The following SEM1 variants were observed in gnomAD, a reference collection of about 807,000 sequenced individuals.
SEM1 encodes the protein SEM1 26S proteasome subunit, also known as 26S proteasome complex subunit SEM1.
SEM1 carries 3 observed loss-of-function variants against 12.7 expected under a neutral mutation model. That is an observed-to-expected ratio of 0.24 (90% confidence interval 0.11 to 0.61). The LOEUF is 0.61. Among genes scored for constraint, SEM1 ranks in the 20% least tolerant of loss-of-function variants. The pLI is 0.88. For missense variants in SEM1, 59 were observed against 81.3 expected, an observed-to-expected ratio of 0.73 and a Z score of 1.06; for synonymous variants, 30 against 27.8, an observed-to-expected ratio of 1.08 and a Z score of -0.25.
chr7:96,622,828 C>T, intron 2 of SEM1: 1 of 552,368 alleles, frequency 1.8e-6, no homozygotes, highest in South Asian at 2.6e-5. Flanking sequence ...GCAGGGAAAA[C>T]TTACATAAAT....
chr7:96,629,128 A>C (rs893913816), intron 2 of SEM1, among the ~76,000 whole-genome samples: 2 of 152,046 alleles, frequency 1.3e-5, no homozygotes, highest in Non-Finnish European at 2.9e-5. Flanking sequence ...CAGTCTTTTG[A>C]GTTAAATCTG....
intron 2 of SEM1, among the ~76,000 whole-genome samples, chr7:96,682,433 G>T (rs1051844370): frequency 6.6e-6 from 1 of 152,068 alleles, no homozygotes; most frequent in South Asian, 2.1e-4. Flanking sequence ...TTGAATAGGA[G>T]TGGTGAGAGA....
At chr7:96,586,343 A>C (rs970875328) in intron 2 of SEM1, among the ~76,000 whole-genome samples, 1 of 152,178 alleles carries the variant, frequency 6.6e-6, no homozygotes, top group Admixed American at 6.5e-5. Flanking sequence ...GAGGCTGTAC[A>C]TGTCCCAGCA....
At chr7:96,571,558 A>G (rs1346432430) in intron 2 of SEM1, among the ~76,000 whole-genome samples, 1 of 150,932 alleles carries the variant, frequency 6.6e-6, no homozygotes, top group Non-Finnish European at 1.5e-5. Flanking sequence ...GTGTGTGTGT[A>G]TATATATGTA....
At chr7:96,486,178 C>G in intron 2 of SEM1, 1 of 1,416,294 alleles carries the variant, frequency 7.1e-7, no homozygotes, top group Non-Finnish European at 9.4e-7. Context: ...TTTTTTTTTT[C>G]CTCCTGTGGC....
intron 3 of SEM1, among the ~76,000 whole-genome samples, chr7:96,484,243 G>A (rs1035346194): frequency 6.6e-6 from 1 of 152,152 alleles, no homozygotes; most frequent in East Asian, 1.9e-4. Context: ...TGTAGCCACT[G>A]AGTACATTCT....
chr7:96,691,398 C>T (rs550505328), intron 2 of SEM1, among the ~76,000 whole-genome samples: 1 of 152,270 alleles, frequency 6.6e-6, no homozygotes, highest in Admixed American at 6.5e-5. Context: ...CACTAATTAT[C>T]ATCTGAGTTT....
At chr7:96,527,668 T>C (rs1804510387) in intron 2 of SEM1, among the ~76,000 whole-genome samples, 2 of 152,166 alleles carry the variant, frequency 1.3e-5, no homozygotes, top group Non-Finnish European at 2.9e-5. Flanking sequence ...GTGGTTTCAC[T>C]AGCAAGTTTA....
chr7:96,549,721 A>G (rs1425184049), intron 2 of SEM1, among the ~76,000 whole-genome samples: 4 of 152,184 alleles, frequency 2.6e-5, no homozygotes, highest in South Asian at 2.1e-4. Context: ...AAGTATTTCC[A>G]GATATAATTT....
intron 2 of SEM1, among the ~76,000 whole-genome samples, chr7:96,612,114 T>C (rs1357766062): frequency 6.6e-6 from 1 of 152,162 alleles, no homozygotes; most frequent in African/African-American, 2.4e-5. Context: ...TATCATTGAG[T>C]AGGCGCTTCA....
chr7:96,518,483 T>A (rs1034837070), intron 2 of SEM1, among the ~76,000 whole-genome samples: 9 of 152,222 alleles, frequency 5.9e-5, no homozygotes, highest in African/African-American at 2.2e-4. Flanking sequence ...CTGTGGCATG[T>A]GTAGGCTGAG....
At chr7:96,591,514 G>T (rs1350331736) in intron 2 of SEM1, among the ~76,000 whole-genome samples, 5 of 152,258 alleles carry the variant, frequency 3.3e-5, no homozygotes, top group East Asian at 1.9e-4. Flanking sequence ...GCCTTAACTG[G>T]AGTACTTTAA....
intron 2 of SEM1, among the ~76,000 whole-genome samples, chr7:96,530,308 A>C (rs1804601357): frequency 6.6e-6 from 1 of 152,114 alleles, no homozygotes; most frequent in Admixed American, 6.5e-5. Flanking sequence ...GTGGAGGTCA[A>C]GGTGCACTAC....
chr7:96,597,141 A>C (rs1391983832), intron 2 of SEM1, among the ~76,000 whole-genome samples: 3 of 152,204 alleles, frequency 2.0e-5, no homozygotes, highest in African/African-American at 7.2e-5. Flanking sequence ...GCCACTGAGC[A>C]TACTGTCATA....
chr7:96,594,746 G>A (rs10215887), intron 2 of SEM1, among the ~76,000 whole-genome samples: 3,635 of 152,092 alleles, frequency 0.024, 150 homozygotes, highest in African/African-American at 0.083. Flanking sequence ...GAATGTTTTC[G>A]AAGAGTACCA....
chr7:96,519,993 C>G (rs1178100778), intron 2 of SEM1, among the ~76,000 whole-genome samples: 3 of 152,050 alleles, frequency 2.0e-5, no homozygotes. Context: ...GAAGTGAAAC[C>G]CACTTCAGTC....
chr7:96,632,538 C>T (rs1278351224), intron 2 of SEM1, among the ~76,000 whole-genome samples: 2 of 151,970 alleles, frequency 1.3e-5, no homozygotes, highest in African/African-American at 2.4e-5. Context: ...GAACATCACA[C>T]ACTGGGGCCT....
chr7:96,630,790 A>G (rs888850917), intron 2 of SEM1, among the ~76,000 whole-genome samples: 3 of 151,086 alleles, frequency 2.0e-5, no homozygotes, highest in Admixed American at 1.3e-4. Flanking sequence ...GGCCCTTGCC[A>G]TGATACCTGG....
chr7:96,650,775 C>T (rs985507050), intron 2 of SEM1, among the ~76,000 whole-genome samples: 3 of 152,116 alleles, frequency 2.0e-5, no homozygotes. Flanking sequence ...ATAAATTTCT[C>T]TCTTTTTTAA....
Sources: allele counts gnomAD v4.1 joint callset (sites outside exome capture counted in the v4.1 genomes callset), GRCh38; gene constraint gnomAD v4.1.1; transcripts MANE v1.5; gene names NCBI Gene and HGNC (gene_info 2026-07-23, HGNC 2026-07-21).